Variants in RAB21 observed in about 807,000 individuals in gnomAD.
The protein encoded by RAB21 is ras-related protein Rab-21.
In RAB21, 13 loss-of-function variants were observed where a neutral mutation model predicts 33.1. That is an observed-to-expected ratio of 0.39 (90% CI 0.26 to 0.62). The LOEUF (loss-of-function observed/expected upper bound fraction) is 0.62, where lower values mean the gene tolerates loss of function less well. Among genes scored for constraint, RAB21 ranks in the 20% least tolerant of loss-of-function variants. The pLI is 0.48. For missense variants in RAB21, 234 were observed against 279.1 expected, an observed-to-expected ratio of 0.84 and a Z score of 1.15; for synonymous variants, 91 against 103.7, an observed-to-expected ratio of 0.88 and a Z score of 0.74.
rs1363839854 is a variant in RAB21 at position 71,792,304 on chromosome 12, G to A, written c.*6631G>A. 1 of 152,212 alleles carries A rather than the reference G, an allele frequency of 6.6e-6. No homozygotes were observed. The highest frequency in any genetic ancestry group is 1.9e-4 in the East Asian group (1 of 5,198). 9.4% of individuals were successfully genotyped at this position (152,212 alleles called of 1,614,324 possible). A position where few individuals can be genotyped will look rare whatever the true frequency, so the allele number is the denominator to read the frequency against. Reference sequence around the variant, plus strand: ...TAAAAACTTGTAGCGTTCTGGGAAAGTCAAGTCAAACTCTTGAATGCTATC... The same window carrying A: ...TAAAAACTTGTAGCGTTCTGGGAAAATCAAGTCAAACTCTTGAATGCTATC... On this transcript the variant is annotated 3_prime_UTR_variant, in exon 7 of 7. Coordinates refer to ENST00000261263, the MANE Select transcript of RAB21 (RefSeq NM_014999.4).
chr12:71,759,734 CAGA>C (rs1882842382), intron 1 of RAB21, among the ~76,000 whole-genome samples: 1 of 152,214 alleles, frequency 6.6e-6, no homozygotes, highest in Non-Finnish European at 1.5e-5. Context: ...CAAATTCTTG[CAGA>C]AGACAAGATA....
intron 1 of RAB21, among the ~76,000 whole-genome samples, chr12:71,767,436 A>G (rs1263287800): frequency 6.6e-6 from 1 of 152,182 alleles, no homozygotes; most frequent in African/African-American, 2.4e-5. Context: ...CATACTTATT[A>G]AAAATGATAA....
intron 1 of RAB21, among the ~76,000 whole-genome samples, chr12:71,763,433 CTTT>C (rs759026292): frequency 6.6e-6 from 1 of 151,872 alleles, no homozygotes; most frequent in African/African-American, 2.4e-5. Context: ...TCTTATAATC[CTTT>C]TTTTAAGTTT....
chr12:71,776,753 T>C (rs1883125954), intron 4 of RAB21, among the ~76,000 whole-genome samples: 1 of 152,144 alleles, frequency 6.6e-6, no homozygotes, highest in Admixed American at 6.5e-5. Flanking sequence ...TTTACTACTT[T>C]TCCCAAACTT....
chr12:71,762,457 T>C (rs935215985), intron 1 of RAB21, among the ~76,000 whole-genome samples: 1 of 149,712 alleles, frequency 6.7e-6, no homozygotes, highest in Admixed American at 6.6e-5. Flanking sequence ...AGGCGCCCGC[T>C]ACCACGCCCG....
At chr12:71,774,420 C>T (rs1380344491) in intron 4 of RAB21, 1 of 155,078 alleles carries the variant, frequency 6.4e-6, no homozygotes, top group Non-Finnish European at 1.4e-5. Context: ...GAGCCAAGGT[C>T]GCACCATTGC....
chr12:71,757,523 G>C (rs550994042), intron 1 of RAB21, among the ~76,000 whole-genome samples: 2 of 152,152 alleles, frequency 1.3e-5, no homozygotes, highest in Non-Finnish European at 2.9e-5. Context: ...CTCCACAGAG[G>C]GGAGGATGAA....
chr12:71,781,255 G>A (rs1157181381), intron 4 of RAB21, among the ~76,000 whole-genome samples: 1 of 152,126 alleles, frequency 6.6e-6, no homozygotes, highest in African/African-American at 2.4e-5. Flanking sequence ...GGATCACGAG[G>A]TCAGGAGTTC....
rs191274301 is a variant in RAB21, at chr12:71,780,123, T to C, written c.392-1908T>C. ...TGGCCTGATTTATTAAAATTAGTCA[T>C]TTAAAATATTATCAAATAATAAAGC... is the stretch of plus-strand genomic sequence containing the variant. On this transcript the variant is annotated intron_variant, in intron 4 of 6. Coordinates refer to ENST00000261263, the MANE Select transcript of RAB21 (RefSeq NM_014999.4). Among the ~76,000 whole-genome samples the C allele has an allele frequency of 4.9e-3, 746 of 152,342 alleles. 8 individuals are homozygous for C. The highest frequency in any genetic ancestry group is 0.017 in the African/African-American group (712 of 41,584).
chr12:71,757,615 C>T (rs1210051333), intron 1 of RAB21, among the ~76,000 whole-genome samples: 1 of 152,204 alleles, frequency 6.6e-6, no homozygotes, highest in Non-Finnish European at 1.5e-5. Context: ...ATGTAAACAG[C>T]AATGTGTCTA....
intron 1 of RAB21, among the ~76,000 whole-genome samples, chr12:71,765,285 C>T (rs1232487160): frequency 6.6e-6 from 1 of 152,066 alleles, no homozygotes; most frequent in Non-Finnish European, 1.5e-5. Flanking sequence ...ATGTCCTTTG[C>T]CCACTTTTTG....
intron 4 of RAB21, among the ~76,000 whole-genome samples, chr12:71,775,569 C>T (rs1883106787): frequency 6.6e-6 from 1 of 152,144 alleles, no homozygotes; most frequent in South Asian, 2.1e-4. Context: ...CGGAGTCTCG[C>T]TCTGTCACCC....
chr12:71,765,141 A>C (rs12831425), intron 1 of RAB21, among the ~76,000 whole-genome samples: 1 of 152,140 alleles, frequency 6.6e-6, no homozygotes, highest in Admixed American at 6.5e-5. Context: ...TTGACTAATT[A>C]TGGTCATTCT....
chr12:71,792,416 G>A lies in RAB21; in HGVS notation c.*6743G>A, dbSNP rs1163927967. The stretch of plus-strand genomic sequence containing the variant: ...AACTCTGGGTTGGGCTCATCCTCTT[G>A]GTGTATTTTCCTACTTGGAGAGCAT... On this transcript the variant is annotated 3_prime_UTR_variant, in exon 7 of 7. Transcript: ENST00000261263. The A allele has an allele frequency of 6.6e-6, 1 of 152,100 alleles. No homozygotes were observed. Among genetic ancestry groups the A allele is most frequent in the Non-Finnish European group, 1.5e-5 (1 of 68,010 alleles). The allele number at this position is 152,100 out of a possible 1,614,324, so 9.4% of individuals were successfully genotyped here. A position where few individuals can be genotyped will look rare whatever the true frequency, so the allele number is the denominator to read the frequency against.
rs1015546188 is a variant in RAB21, at chr12:71,798,901, T to TGG, written c.*13234_*13235dup. On this transcript the variant is annotated 3_prime_UTR_variant, in exon 7 of 7. Coordinates refer to ENST00000261263, the MANE Select transcript of RAB21 (RefSeq NM_014999.4). ...TGTTACCCAGAACTTTTTATGCAGATGGGGGGGCAGTCTGAATGCTAATTA... is the reference window on the plus strand; with the variant it reads ...TGTTACCCAGAACTTTTTATGCAGATGGGGGGGGGCAGTCTGAATGCTAATTA... 6.6e-6 allele frequency: 1 copy of TGG among 152,138 alleles called. No homozygotes were observed. The highest frequency in any genetic ancestry group is 1.5e-5 in the Non-Finnish European group (1 of 68,020). The allele number at this position is 152,138 out of a possible 1,614,324, so 9.4% of individuals were successfully genotyped here.
In RAB21 at chr12:71,788,798, G is replaced by C. The variant is rs915573942; in HGVS notation, c.*3125G>C. On this transcript the variant is annotated 3_prime_UTR_variant, in exon 7 of 7. Transcript: ENST00000261263. ...ATCATTGTTTCTGTAATGATGATGG[G>C]TATTCTGCTTCTTGTTTTTCATTGT... 6.6e-6 allele frequency: 1 copy of C among 152,046 alleles called. No individual in the cohort carries two copies. Among genetic ancestry groups the C allele is most frequent in the African/African-American group, 2.4e-5 (1 of 41,394 alleles). The allele number at this position is 152,046 out of a possible 1,614,324, so 9.4% of individuals were successfully genotyped here.
At chr12:71,774,239 G>A (rs192897666) in intron 4 of RAB21, 56 of 204,876 alleles carry the variant, frequency 2.7e-4, no homozygotes, top group African/African-American at 1.4e-3. Flanking sequence ...TTGAGGTCAG[G>A]AGTTCAAGAC....
chr12:71,781,869 A>C (rs1883206128), intron 4 of RAB21, among the ~76,000 whole-genome samples, 162 bp from the exon 5 acceptor site: 1 of 152,216 alleles, frequency 6.6e-6, no homozygotes, highest in Non-Finnish European at 1.5e-5. Context: ...CAACCCTCAG[A>C]TCACAAGGCT....
chr12:71,755,082 C>T lies in RAB21; in HGVS notation c.-48C>T, dbSNP rs1882760309. On this transcript the variant is annotated 5_prime_UTR_variant, in exon 1 of 7. Coordinates refer to ENST00000261263, the MANE Select transcript of RAB21 (RefSeq NM_014999.4). ...GCTGTGAAGGCGCTGCCGCGGCTGT[C>T]GGGAGGGCGGCGCGACACTCGGGCT... 1 of 1,057,688 alleles carries T rather than the reference C, an allele frequency of 9.5e-7. No individual in the cohort carries two copies. The highest frequency in any genetic ancestry group is 1.1e-6 in the Non-Finnish European group (1 of 879,912). 65.5% of individuals were successfully genotyped at this position (1,057,688 alleles called of 1,614,324 possible).
Sources: gnomAD v4.1 joint callset for allele counts (sites outside exome capture counted in the v4.1 genomes callset) on GRCh38, gnomAD v4.1.1 for gene constraint, MANE v1.5 for transcripts, NCBI Gene and HGNC (gene_info 2026-07-23, HGNC 2026-07-21) for gene names.